The following METTL22 variants were observed in gnomAD, a reference collection of about 807,000 sequenced individuals.
METTL22 encodes the protein methyltransferase 22, Kin17 lysine.
In METTL22, 51 loss-of-function variants were observed where a neutral mutation model predicts 48.4. The observed-to-expected ratio is 1.05, with a 90% CI of 0.84 to 1.33. The LOEUF (loss-of-function observed/expected upper bound fraction) is 1.33, where lower values mean the gene tolerates loss of function less well. METTL22 is among the 40% of genes most tolerant of loss of function. The pLI is 0.00. For missense variants in METTL22, 678 were observed against 526.9 expected, an observed-to-expected ratio of 1.29 and a Z score of -2.81; for synonymous variants, 255 against 214.1, an observed-to-expected ratio of 1.19 and a Z score of -1.67.
rs757726000 is a variant in METTL22 at position 8,628,773 on chromosome 16, G to A, written c.177G>A (p.Trp59Ter). Residue 59 changes from tryptophan (W) to a stop codon, truncating the protein, a stop_gained, in exon 3 of 11, where the codon TGG (tryptophan) becomes TGA (stop). Transcript: ENST00000381920. LOFTEE classifies it high-confidence loss of function. ...AGCTTCTATGGAGCCAAGACTCTTG[G>A]ACAGATTCAGGAGCCAAGGGTGGCA... is the stretch of plus-strand genomic sequence containing the variant. Reference protein sequence around the residue: ...QFKLLWSQDSWTDSGAKGGSH... With the variant: ...QFKLLWSQDS 4 of 1,614,138 alleles carry A rather than the reference G, an allele frequency of 2.5e-6. No individual in the cohort carries two copies. Among genetic ancestry groups the A allele is most frequent in the African/African-American group, 1.3e-5 (1 of 75,052 alleles).
chr16:8,636,193 C>T (rs1449042901), intron 5 of METTL22, among the ~76,000 whole-genome samples: 1 of 152,106 alleles, frequency 6.6e-6, no homozygotes, highest in Admixed American at 6.6e-5. Flanking sequence ...GTTTAGCTCC[C>T]ACTCATAAGT....
At chr16:8,656,329 C>G in the METTL22 span, among the ~76,000 whole-genome samples, 1 of 152,194 alleles carries the variant, frequency 6.6e-6, no homozygotes, top group Admixed American at 6.5e-5. Flanking sequence ...GGGATTAGTC[C>G]TTTCCTCCAC....
chr16:8,641,415 C>T, intron 7 of METTL22: 2 of 633,642 alleles, frequency 3.2e-6, no homozygotes, highest in Non-Finnish European at 5.9e-6. Flanking sequence ...GTTGTGGTTT[C>T]CCTGTGTGGT....
At chr16:8,654,062 T>A (rs912029500), downstream of METTL22, among the ~76,000 whole-genome samples, 2 of 152,160 alleles carry the variant, frequency 1.3e-5, no homozygotes, top group African/African-American at 4.8e-5. Context: ...ATGGGAGATC[T>A]CAGAGGATCG....
intron 3 of METTL22, 43 bp downstream of exon 3, chr16:8,629,153 T>G (rs1358034196): frequency 4.4e-6 from 7 of 1,582,934 alleles, no homozygotes; most frequent in Non-Finnish European, 5.1e-6. Flanking sequence ...CCAAGGCAAC[T>G]CCGCAGTGTC....
downstream of METTL22, among the ~76,000 whole-genome samples, chr16:8,652,019 TAAA>T (rs1248565729): frequency 2.0e-5 from 3 of 152,034 alleles, no homozygotes; most frequent in Non-Finnish European, 2.9e-5. Flanking sequence ...TCCCAGAACT[TAAA>T]ATAAAACAAG....
intron 3 of METTL22, among the ~76,000 whole-genome samples, chr16:8,629,745 A>G (rs2056190555): frequency 6.6e-6 from 1 of 152,010 alleles, no homozygotes; most frequent in Non-Finnish European, 1.5e-5. Flanking sequence ...GGCAGAGCAG[A>G]GGGGTTTGCT....
At chr16:8,641,316 C>A in intron 7 of METTL22, 132 bp downstream of exon 7, 1 of 868,802 alleles carries the variant, frequency 1.2e-6, no homozygotes, top group Non-Finnish European at 1.9e-6. Context: ...CGCATGGCAG[C>A]TTCTCTCCAT....
chr16:8,644,389 G>A, intron 9 of METTL22, 168 bp from the exon 10 acceptor site: 1 of 621,358 alleles, frequency 1.6e-6, no homozygotes, highest in Non-Finnish European at 2.8e-6. Flanking sequence ...CTGTCGTGCA[G>A]ATGTAGGAAG....
Position 8,628,840 on chromosome 16 carries a change from A to T in METTL22, c.244A>T (p.Thr82Ser), listed in dbSNP as rs1350486484. ...CACAAAGGAGCCTCCTTCTGCTGAG[A>T]CAGGCAGCACAGGGTCCCCTCCAGG... ...VHTKEPPSAE[T>S]GSTGSPPGSG... Residue 82 changes from threonine (T) to serine (S), a missense_variant, in exon 3 of 11, where the codon ACA (threonine) becomes TCA (serine). Physicochemically the swap from Thr to Ser is moderately conservative, Grantham distance 58. Coordinates refer to ENST00000381920, the MANE Select transcript of METTL22 (RefSeq NM_024109.4). 2 of 1,614,128 alleles carry T rather than the reference A, an allele frequency of 1.2e-6. No homozygotes were observed. The highest frequency in any genetic ancestry group is 1.7e-6 in the Non-Finnish European group (2 of 1,180,024).
At chr16:8,655,089 A>T in the METTL22 span, among the ~76,000 whole-genome samples, 266 of 152,302 alleles carry the variant, frequency 1.7e-3, no homozygotes, top group Admixed American at 4.9e-3. Flanking sequence ...TGGGGAAAGG[A>T]ACTGTATTAT....
chr16:8,642,464 G>A lies in METTL22; in HGVS notation c.909G>A (p.Val303=), dbSNP rs1178095183. ...DHTTILFAAE[V]FYDDDLTDAV... ...TGCTGGCCTTTTTGCTTCCCACAGT[G>A]TTTTACGACGACGACTTGACTGATG... Residue 303 remains valine, a splice_region_variant and synonymous_variant, in exon 9 of 11, where the codon GTG becomes GTA. Transcript: ENST00000381920. 1.9e-6 allele frequency: 3 copies of A among 1,614,158 alleles called. No homozygotes were observed. The East Asian group carries it at 6.7e-5, about 36-fold the overall frequency.
Position 8,641,203 on chromosome 16 carries a change from C to G in METTL22, c.826+19C>G. 6.2e-7 allele frequency: 1 copy of G among 1,613,268 alleles called. No homozygotes were observed. Among genetic ancestry groups the G allele is most frequent in the Non-Finnish European group, 8.5e-7 (1 of 1,179,422 alleles). ...TGCACAGGTGTGTGTTTCTCTCGGA[C>G]GTCCCCCAGTATGATTCAGTGATTC... is the stretch of plus-strand genomic sequence containing the variant. On this transcript the variant is annotated intron_variant, in intron 7 of 10. Coordinates refer to ENST00000381920, the MANE Select transcript of METTL22 (RefSeq NM_024109.4).
chr16:8,624,484 A>G (rs919606671), intron 1 of METTL22, among the ~76,000 whole-genome samples: 2 of 151,294 alleles, frequency 1.3e-5, no homozygotes, highest in Non-Finnish European at 2.9e-5. Flanking sequence ...GTGTCAAGCG[A>G]TCCTCCCACC....
At chr16:8,625,286 G>A (rs1013243367) in intron 1 of METTL22, among the ~76,000 whole-genome samples, 3 of 151,930 alleles carry the variant, frequency 2.0e-5, no homozygotes, top group East Asian at 1.9e-4. Flanking sequence ...GTAGTTCTAC[G>A]GTTATGATAT....
chr16:8,624,446 C>G (rs370709616), intron 1 of METTL22, among the ~76,000 whole-genome samples: 91 of 150,800 alleles, frequency 6.0e-4, no homozygotes, highest in African/African-American at 2.0e-3. Flanking sequence ...GTGACGCATT[C>G]TCAGCTCACT....
In METTL22 at chr16:8,646,755, G is replaced by A. The variant is rs767892158; in HGVS notation, c.*612G>A. ...GGAATAAACCTAAGAGCCACTCTTT[G>A]GGGTCATGTGCAGCTGACCAGGGTT... On this transcript the variant is annotated 3_prime_UTR_variant, in exon 11 of 11. Coordinates refer to ENST00000381920, the MANE Select transcript of METTL22 (RefSeq NM_024109.4). The A allele has an allele frequency of 4.5e-6, 2 of 441,626 alleles. No individual in the cohort carries two copies. Among genetic ancestry groups the A allele is most frequent in the Admixed American group, 2.4e-5 (1 of 41,754 alleles). The allele number at this position is 441,626 out of a possible 1,614,324, so 27.4% of individuals were successfully genotyped here.
rs147750206 is a variant in METTL22 at position 8,635,754 on chromosome 16, G to T, written c.700+442G>T. Among the ~76,000 whole-genome samples, 299 of 152,280 alleles carry T rather than the reference G, an allele frequency of 2.0e-3. 2 individuals carry two copies. The highest frequency in any genetic ancestry group is 6.7e-3 in the African/African-American group (279 of 41,538). On this transcript the variant is annotated intron_variant, in intron 5 of 10. Transcript: ENST00000381920. ...ATTACTCATAATTTTACAATCCCTA[G>T]ATTGAATCAACAATATGCAACTTAT...
the METTL22 span, among the ~76,000 whole-genome samples, chr16:8,656,778 T>G: frequency 1.3e-5 from 2 of 152,210 alleles, no homozygotes; most frequent in African/African-American, 4.8e-5. Context: ...GTAACGTAAT[T>G]AACAGAAATG....
Sources: allele counts gnomAD v4.1 joint callset (sites outside exome capture counted in the v4.1 genomes callset), GRCh38; gene constraint gnomAD v4.1.1; transcripts MANE v1.5; gene names NCBI Gene and HGNC (gene_info 2026-07-23, HGNC 2026-07-21).